PARP9: variants seen among roughly 807,000 people sequenced by gnomAD.
The protein encoded by PARP9 is poly(ADP-ribose) polymerase family member 9, also known as protein mono-ADP-ribosyltransferase PARP9.
In PARP9, 48 loss-of-function variants were observed where a neutral mutation model predicts 68.8. That is an observed-to-expected ratio of 0.70 (90% CI 0.55 to 0.89). PARP9 has a LOEUF of 0.89. Ranked by LOEUF, PARP9 falls within the 40% of genes least tolerant of loss-of-function variation. The pLI, the probability that PARP9 is intolerant of heterozygous loss-of-function variation, is 0.00. For synonymous variants in PARP9, 309 were observed against 333.8 expected, an observed-to-expected ratio of 0.93 and a Z score of 0.81; for missense variants, 806 against 969.3, an observed-to-expected ratio of 0.83 and a Z score of 2.24.
Position 122,564,141 on chromosome 3 carries a change from C to T in PARP9, c.-90+104G>A, listed in dbSNP as rs779155264. 5 of 469,584 alleles carry T rather than the reference C, an allele frequency of 1.1e-5. No individual in the cohort carries two copies. The South Asian group carries it at 1.6e-4, about 15-fold the overall frequency. The allele number at this position is 469,584 out of a possible 1,614,324, so 29.1% of individuals were successfully genotyped here. ...TTGCATAGTCTACTCACAAGGGAGG[C>T]CTGGCCCTGGGACCCGGGTCCGCGC... is the stretch of plus-strand genomic sequence containing the variant. On this transcript the variant is annotated intron_variant, in intron 1 of 10. Coordinates refer to ENST00000682323, the MANE Select transcript of PARP9 (RefSeq NM_001146105.2).
chr3:122,536,284 A>G lies in PARP9; in HGVS notation c.1964T>C (p.Met655Thr). The G allele has an allele frequency of 6.2e-7, 1 of 1,614,160 alleles. No homozygotes were observed. Among genetic ancestry groups the G allele is most frequent in the Non-Finnish European group, 8.5e-7 (1 of 1,180,014 alleles). The change falls in exon 10 of 11, where the codon ATG (methionine) becomes ACG (threonine). Residue 655 changes from methionine to threonine, a missense_variant. Coordinates refer to ENST00000682323, the MANE Select transcript of PARP9 (RefSeq NM_001146105.2). Reference sequence around the variant, plus strand: ...AGGTTGCCTGTGCAGTTTTTCTTCCATCATTTTCTTCTTTCTTTGAAAGGC... The same window carrying G: ...AGGTTGCCTGTGCAGTTTTTCTTCCGTCATTTTCTTCTTTCTTTGAAAGGC... ...MAAFQRKKKMMEEKLHRQPVS... is the reference protein window; with the variant it reads ...MAAFQRKKKMTEEKLHRQPVS...
chr3:122,545,681 A>G (rs561764886), intron 6 of PARP9, 192 bp from the exon 7 acceptor site: 2 of 572,144 alleles, frequency 3.5e-6, no homozygotes, highest in African/African-American at 3.7e-5. Flanking sequence ...CACGGAAAGA[A>G]TAAGCATAGG....
At chr3:122,537,667 A>G (rs1381988227) in intron 8 of PARP9, among the ~76,000 whole-genome samples, 2 of 152,222 alleles carry the variant, frequency 1.3e-5, no homozygotes, top group Non-Finnish European at 2.9e-5. Flanking sequence ...GTAAGTGACA[A>G]GGCAAAATAC....
At chr3:122,535,868 C>G (rs970611634) in intron 10 of PARP9, 1 of 1,133,944 alleles carries the variant, frequency 8.8e-7, no homozygotes, top group Non-Finnish European at 1.1e-6. Context: ...AAAGCCTCAA[C>G]GTGTTCTCTG....
intron 1 of PARP9, among the ~76,000 whole-genome samples, chr3:122,562,182 TC>T (rs2080276355): frequency 8.0e-6 from 1 of 124,916 alleles, no homozygotes; most frequent in Non-Finnish European, 1.9e-5. Flanking sequence ...TCTTTTCTTT[TC>T]TTTTCTTTTC....
intron 6 of PARP9, among the ~76,000 whole-genome samples, chr3:122,550,281 G>C (rs1185190778): frequency 6.6e-6 from 1 of 152,150 alleles, no homozygotes; most frequent in Non-Finnish European, 1.5e-5. Flanking sequence ...GTTTCTCCAT[G>C]TTGGTCAGGT....
intron 3 of PARP9, among the ~76,000 whole-genome samples, chr3:122,556,471 C>A (rs2079678575): frequency 6.6e-6 from 1 of 152,110 alleles, no homozygotes; most frequent in African/African-American, 2.4e-5. Context: ...AAGTGGCGAG[C>A]TTAGAAAGAC....
At position 122,536,928 on chromosome 3, in the gene PARP9, G is replaced by A. The variant is rs2107581942; in HGVS notation, c.1905+6C>T. 9 of 1,604,248 alleles carry A rather than the reference G, an allele frequency of 5.6e-6. No homozygotes were observed. The East Asian group carries it at 2.0e-4, about 36-fold the overall frequency. On this transcript the variant is annotated splice_donor_region_variant and intron_variant, in intron 9 of 10. Coordinates refer to ENST00000682323, the MANE Select transcript of PARP9 (RefSeq NM_001146105.2). Reference sequence around the variant, plus strand: ...TGAGCCAAATCTTCCCCTTTGTTAGGTATACCTTTAGAACCTGCAAACCAC... The same window carrying A: ...TGAGCCAAATCTTCCCCTTTGTTAGATATACCTTTAGAACCTGCAAACCAC...
At chr3:122,534,302 A>G in intron 10 of PARP9, 1 of 981,504 alleles carries the variant, frequency 1.0e-6, no homozygotes, top group Non-Finnish European at 1.2e-6. Context: ...AGCCTGTGAG[A>G]AAATCCATGG....
intron 1 of PARP9, among the ~76,000 whole-genome samples, chr3:122,563,750 T>C (rs1283991540): frequency 6.6e-6 from 1 of 152,038 alleles, no homozygotes; most frequent in Non-Finnish European, 1.5e-5. Context: ...TTTATTAAGA[T>C]TCTGCTTGAA....
chr3:122,551,078 C>A (rs1337284375), intron 5 of PARP9, among the ~76,000 whole-genome samples: 1 of 152,104 alleles, frequency 6.6e-6, no homozygotes, highest in African/African-American at 2.4e-5. Flanking sequence ...CTTACCCATC[C>A]CCCCAGGTCA....
At chr3:122,534,077 T>C (rs1559802896) in intron 10 of PARP9, 1 of 984,710 alleles carries the variant, frequency 1.0e-6, no homozygotes, top group Non-Finnish European at 1.2e-6. Context: ...CAGTGGCTGT[T>C]AAGCTAAGGG....
Position 122,556,123 on chromosome 3 carries a change from T to C in PARP9, c.50-2A>G. The C allele has an allele frequency of 1.9e-6, 1 of 537,738 alleles. No homozygotes were observed. The highest frequency in any genetic ancestry group is 2.8e-6 in the Non-Finnish European group (1 of 354,214). The allele number at this position is 537,738 out of a possible 1,614,324, so 33.3% of individuals were successfully genotyped here. On this transcript the variant is annotated splice_acceptor_variant, in intron 3 of 10. Transcript: ENST00000682323. LOFTEE classifies it high-confidence loss of function. Reference sequence around the variant, plus strand: ...AGTTTTCTCCAAGAGCACCAGTCTCTGGAAAAGAAGAGAAGATTAAAAAAA... The same window carrying C: ...AGTTTTCTCCAAGAGCACCAGTCTCCGGAAAAGAAGAGAAGATTAAAAAAA...
intron 4 of PARP9, among the ~76,000 whole-genome samples, chr3:122,553,518 A>G (rs2079386972): frequency 6.6e-6 from 1 of 152,244 alleles, no homozygotes; most frequent in African/African-American, 2.4e-5. Flanking sequence ...GTTGCTGGCA[A>G]TAAATATACC....
At chr3:122,559,794 A>G (rs1199488937) in intron 1 of PARP9, 85 bp from the exon 2 acceptor site, 1 of 488,986 alleles carries the variant, frequency 2.0e-6, no homozygotes, top group African/African-American at 2.0e-5. Flanking sequence ...AGGACTGAAC[A>G]TGATTTCTGA....
In PARP9 at chr3:122,558,420, C is replaced by T. The variant is rs944651562; in HGVS notation, c.49+14G>A. On this transcript the variant is annotated intron_variant, in intron 3 of 10. Coordinates refer to ENST00000682323, the MANE Select transcript of PARP9 (RefSeq NM_001146105.2). ...AGACTTTCTGAAACAAGAGTGAGAG[C>T]GAGGTAATCCTACCTGATTTTTCAT... is the stretch of plus-strand genomic sequence containing the variant. The T allele has an allele frequency of 6.2e-6, 10 of 1,613,982 alleles. No individual in the cohort carries two copies. Among genetic ancestry groups the T allele is most frequent in the Middle Eastern group, 1.6e-4 (1 of 6,082 alleles).
chr3:122,555,042 A>G (rs565958786), intron 4 of PARP9, among the ~76,000 whole-genome samples: 3 of 152,144 alleles, frequency 2.0e-5, no homozygotes, highest in African/African-American at 7.2e-5. Context: ...CTTAAATTAA[A>G]ATTTTTTAAA....
chr3:122,559,153 G>A (rs2079976434), intron 2 of PARP9, among the ~76,000 whole-genome samples: 1 of 152,202 alleles, frequency 6.6e-6, no homozygotes, highest in African/African-American at 2.4e-5. Flanking sequence ...GGTTTCTCTA[G>A]ACAGAAGACC....
At chr3:122,530,401 C>T (rs184636375) in intron 10 of PARP9, among the ~76,000 whole-genome samples, 25 of 152,154 alleles carry the variant, frequency 1.6e-4, no homozygotes, top group Middle Eastern at 6.8e-3. Flanking sequence ...CCATGCTCAC[C>T]GGGCAACTTT....
Sources: allele counts gnomAD v4.1 joint callset (sites outside exome capture counted in the v4.1 genomes callset), GRCh38; gene constraint gnomAD v4.1.1; transcripts MANE v1.5; gene names NCBI Gene and HGNC (gene_info 2026-07-23, HGNC 2026-07-21).